Variants in SPIDR observed in about 807,000 individuals in gnomAD.
The protein encoded by SPIDR is scaffold protein involved in DNA repair.
Under a neutral mutation model 104.6 loss-of-function variants are expected in SPIDR, and 93 were observed. The observed-to-expected ratio is 0.89, with a 90% CI of 0.75 to 1.06. The LOEUF is 1.06. Among genes scored for constraint, SPIDR ranks in the 50% least tolerant of loss-of-function variants. The pLI is 0.00. For missense variants in SPIDR, 1,154 were observed against 1,111.2 expected, an observed-to-expected ratio of 1.04 and a Z score of -0.55; for synonymous variants, 431 against 416.9, an observed-to-expected ratio of 1.03 and a Z score of -0.41.
At chr8:47,699,333 G>A (rs1222806840) in intron 11 of SPIDR, among the ~76,000 whole-genome samples, 1 of 152,154 alleles carries the variant, frequency 6.6e-6, no homozygotes, top group African/African-American at 2.4e-5. Flanking sequence ...GCTGACACAA[G>A]GTCCAAGCAT....
At chr8:47,594,718 G>A (rs1343668817) in intron 8 of SPIDR, among the ~76,000 whole-genome samples, 1 of 152,110 alleles carries the variant, frequency 6.6e-6, no homozygotes, top group Non-Finnish European at 1.5e-5. Context: ...CCAGGGCCGG[G>A]CACAGTGGCT....
intron 10 of SPIDR, among the ~76,000 whole-genome samples, chr8:47,659,411 T>C (rs1272495382): frequency 3.9e-5 from 6 of 152,228 alleles, no homozygotes; most frequent in Non-Finnish European, 7.4e-5. Flanking sequence ...TTTAAATGAA[T>C]AAAAAACATT....
intron 7 of SPIDR, among the ~76,000 whole-genome samples, chr8:47,416,556 C>A (rs2064328702): frequency 6.6e-6 from 1 of 152,006 alleles, no homozygotes; most frequent in Non-Finnish European, 1.5e-5. Context: ...TTGCGATTGT[C>A]AGGTGTTATG....
At chr8:47,519,641 C>A (rs2154379831) in intron 8 of SPIDR, among the ~76,000 whole-genome samples, 1 of 152,124 alleles carries the variant, frequency 6.6e-6, no homozygotes, top group East Asian at 1.9e-4. Context: ...TTAAATTAGC[C>A]AGGCATGGTG....
chr8:47,482,170 A>G (rs956187067), intron 8 of SPIDR, among the ~76,000 whole-genome samples: 8 of 152,196 alleles, frequency 5.3e-5, no homozygotes, highest in South Asian at 2.1e-4. Context: ...GTTTACCTCT[A>G]TGCTTTGAAA....
rs1242891474 is a variant in SPIDR, at chr8:47,280,029, G to T, written c.189+12G>T. On this transcript the variant is annotated intron_variant, in intron 2 of 19. Transcript: ENST00000297423. ...CTTCTGGGAATCCGGTAAAGTATCT[G>T]TAGAATTGTTTTCCCTGAATGCCAA... 3 of 1,608,332 alleles carry T rather than the reference G, an allele frequency of 1.9e-6. No individual in the cohort carries two copies. The highest frequency in any genetic ancestry group is 2.5e-6 in the Non-Finnish European group (3 of 1,176,946).
At chr8:47,363,816 T>C (rs1318551838) in intron 5 of SPIDR, among the ~76,000 whole-genome samples, 2 of 151,772 alleles carry the variant, frequency 1.3e-5, no homozygotes, top group African/African-American at 4.8e-5. Flanking sequence ...CAGAGTGGTA[T>C]CTAGGTGGTT....
At chr8:47,500,452 T>G (rs1425976032) in intron 8 of SPIDR, among the ~76,000 whole-genome samples, 3 of 152,266 alleles carry the variant, frequency 2.0e-5, no homozygotes, top group African/African-American at 7.2e-5. Flanking sequence ...TTTTGAGAAG[T>G]GTCTGTTCAT....
intron 8 of SPIDR, among the ~76,000 whole-genome samples, chr8:47,551,198 G>C (rs2090405328): frequency 6.6e-6 from 1 of 152,112 alleles, no homozygotes; most frequent in African/African-American, 2.4e-5. Context: ...ATTTTCACAT[G>C]GATGTTCATC....
At position 47,685,517 on chromosome 8, in the gene SPIDR, A is replaced by ATTTATTTTT. The variant is rs761792229; in HGVS notation, c.1685+11579_1685+11580insATTTTTTTT. Among the ~76,000 whole-genome samples, 78 of 130,172 alleles carry ATTTATTTTT rather than the reference A, an allele frequency of 6.0e-4. 2 individuals carry two copies. Among genetic ancestry groups the ATTTATTTTT allele is most frequent in the East Asian group, 1.4e-3 (6 of 4,212 alleles). 85.4% of individuals were successfully genotyped at this position (130,172 alleles called of 152,430 possible). On this transcript the variant is annotated intron_variant, in intron 11 of 19. Coordinates refer to ENST00000297423, the MANE Select transcript of SPIDR (RefSeq NM_001080394.4). ...TATTTATTTATTTATTTATTTATTT[A>ATTTATTTTT]TTTTTTTGAGACAGTCTCTCTCTGT...
At chr8:47,602,277 C>T (rs899583095) in intron 10 of SPIDR, among the ~76,000 whole-genome samples, 1 of 152,222 alleles carries the variant, frequency 6.6e-6, no homozygotes, top group Admixed American at 6.5e-5. Context: ...ATCAGCACAA[C>T]ACACACAGAA....
At chr8:47,638,457 T>C (rs2068312491) in intron 10 of SPIDR, among the ~76,000 whole-genome samples, 1 of 152,182 alleles carries the variant, frequency 6.6e-6, no homozygotes, top group Non-Finnish European at 1.5e-5. Flanking sequence ...ATGCATTTTA[T>C]TGCATAGAGT....
In SPIDR at chr8:47,615,351, A is replaced by AACAT. The variant is rs2064147475; in HGVS notation, c.1544+16155_1544+16156insACAT. Among the ~76,000 whole-genome samples, 8 of 152,238 alleles carry AACAT rather than the reference A, an allele frequency of 5.3e-5. No homozygotes were observed. The South Asian group carries it at 1.0e-3, about 20-fold the overall frequency. ...TTTACTCCTGTGTTTTTGTTCAAGA[A>AACAT]TGTTACAGTTTTAGCCTGTGTATGC... On this transcript the variant is annotated intron_variant, in intron 10 of 19. Transcript: ENST00000297423.
chr8:47,575,681 G>T (rs1291744671), intron 8 of SPIDR, among the ~76,000 whole-genome samples: 1 of 148,578 alleles, frequency 6.7e-6, no homozygotes, highest in Non-Finnish European at 1.5e-5. Flanking sequence ...AAAAGCTTCG[G>T]CCAGGCGCAG....
At chr8:47,436,143 C>T (rs1165501120) in intron 7 of SPIDR, among the ~76,000 whole-genome samples, 3 of 152,166 alleles carry the variant, frequency 2.0e-5, no homozygotes, top group African/African-American at 7.2e-5. Flanking sequence ...GCTGTGTTTG[C>T]ACCTGTGATT....
chr8:47,576,528 G>C (rs1460546825), intron 8 of SPIDR, among the ~76,000 whole-genome samples: 1 of 152,154 alleles, frequency 6.6e-6, no homozygotes, highest in Non-Finnish European at 1.5e-5. Context: ...GTGCCTCCCA[G>C]GTTCAAACTA....
chr8:47,733,001 A>C (rs1201307491), intron 19 of SPIDR, among the ~76,000 whole-genome samples: 1 of 152,216 alleles, frequency 6.6e-6, no homozygotes, highest in Non-Finnish European at 1.5e-5. Context: ...AGCACATTTT[A>C]CACATATGCA....
chr8:47,320,484 C>G (rs117626835), intron 5 of SPIDR, among the ~76,000 whole-genome samples: 8,267 of 152,202 alleles, frequency 0.054, 319 homozygotes, highest in Middle Eastern at 0.16. Flanking sequence ...AAGTCCAGGA[C>G]TGGATGAATT....
intron 5 of SPIDR, among the ~76,000 whole-genome samples, chr8:47,316,213 G>A (rs782353285): frequency 2.6e-5 from 4 of 152,066 alleles, no homozygotes; most frequent in South Asian, 2.1e-4. Context: ...ACTAAACATC[G>A]TCAATTATTA....
Sources: gnomAD v4.1 joint callset for allele counts (sites outside exome capture counted in the v4.1 genomes callset) on GRCh38, gnomAD v4.1.1 for gene constraint, MANE v1.5 for transcripts, NCBI Gene and HGNC (gene_info 2026-07-23, HGNC 2026-07-21) for gene names.